CCDC7: variants seen among roughly 807,000 people sequenced by gnomAD.
CCDC7 encodes coiled-coil domain containing 7.
CCDC7 carries 183 observed loss-of-function variants against 196.9 expected under a neutral mutation model. The observed-to-expected ratio is 0.93, with a 90% CI of 0.82 to 1.05. CCDC7 has a LOEUF of 1.05. Ranked by LOEUF, CCDC7 falls within the 50% of genes least tolerant of loss-of-function variation. The pLI is 0.00. For missense variants in CCDC7, 1,540 were observed against 1,482.2 expected, an observed-to-expected ratio of 1.04 and a Z score of -0.64; for synonymous variants, 525 against 484.6, an observed-to-expected ratio of 1.08 and a Z score of -1.10.
chr10:32,683,787 G>T (rs2076137741), intron 21 of CCDC7, among the ~76,000 whole-genome samples: 1 of 152,210 alleles, frequency 6.6e-6, no homozygotes, highest in Non-Finnish European at 1.5e-5. Flanking sequence ...AGCTGCCACA[G>T]ACGGAAGTGA....
intron 9 of CCDC7, among the ~76,000 whole-genome samples, chr10:32,516,295 G>GTT (rs535661093): frequency 2.0e-5 from 3 of 147,522 alleles, no homozygotes; most frequent in African/African-American, 2.5e-5. Flanking sequence ...GATTTTTTTT[G>GTT]TTTTTTTTTT....
At chr10:32,784,522 C>G (rs899029605) in intron 29 of CCDC7, among the ~76,000 whole-genome samples, 4 of 152,192 alleles carry the variant, frequency 2.6e-5, no homozygotes, top group Non-Finnish European at 5.9e-5. Context: ...ATAATGGCTT[C>G]CAGCTTCATC....
At chr10:32,711,672 G>A (rs1330146278) in exon 25 of CCDC7, 1 of 1,597,286 alleles carries the variant, frequency 6.3e-7, no homozygotes, top group Admixed American at 1.8e-5. Context: ...AAGATTCAGT[G>A]TCAAAAATCC....
chr10:32,701,744 G>C (rs997617831), intron 24 of CCDC7, among the ~76,000 whole-genome samples: 4 of 152,080 alleles, frequency 2.6e-5, no homozygotes, highest in African/African-American at 9.7e-5. Context: ...GTTTAGTCTT[G>C]GGAGGGTGTA....
chr10:32,708,785 C>T (rs1399714634), intron 24 of CCDC7, among the ~76,000 whole-genome samples: 1 of 152,178 alleles, frequency 6.6e-6, no homozygotes, highest in East Asian at 1.9e-4. Flanking sequence ...CATCTCACAC[C>T]ACTTAGCATG....
At chr10:32,684,298 T>C (rs2076214454) in intron 21 of CCDC7, among the ~76,000 whole-genome samples, 1 of 152,136 alleles carries the variant, frequency 6.6e-6, no homozygotes, top group Admixed American at 6.5e-5. Flanking sequence ...TCCAAAGCCC[T>C]TGGAGCTCCA....
In CCDC7 at chr10:32,486,398, C is replaced by T. The variant is rs865950901; in HGVS notation, c.797-5524C>T. Among the ~76,000 whole-genome samples the T allele has an allele frequency of 3.2e-4, 48 of 151,462 alleles. No homozygotes were observed. The South Asian group carries it at 6.1e-3, about 19-fold the overall frequency. Reference sequence around the variant, plus strand: ...TTTTGAGCCTGTGTGTGTCTCTGCACGTGAGATGGGTTTCCTGAATACAGC... The same window carrying T: ...TTTTGAGCCTGTGTGTGTCTCTGCATGTGAGATGGGTTTCCTGAATACAGC... On this transcript the variant is annotated intron_variant, in intron 8 of 41. Coordinates refer to ENST00000639629, the Ensembl canonical transcript of CCDC7.
intron 28 of CCDC7, among the ~76,000 whole-genome samples, chr10:32,756,492 C>A (rs1194652794): frequency 4.6e-5 from 7 of 152,152 alleles, no homozygotes; most frequent in Admixed American, 4.6e-4. Flanking sequence ...ATTTCATATC[C>A]AGCCAAACTA....
At chr10:32,646,018 C>A (rs1172047132) in intron 20 of CCDC7, among the ~76,000 whole-genome samples, 1 of 150,498 alleles carries the variant, frequency 6.6e-6, no homozygotes, top group African/African-American at 2.4e-5. Context: ...ATTTTTTAAT[C>A]TCTTTTTTGT....
At chr10:32,702,863 T>G (rs533160255) in intron 24 of CCDC7, among the ~76,000 whole-genome samples, 34 of 152,332 alleles carry the variant, frequency 2.2e-4, no homozygotes, top group African/African-American at 7.2e-4. Context: ...TTTTCCATTT[T>G]CTTGGTAGAT....
intron 32 of CCDC7, among the ~76,000 whole-genome samples, chr10:32,828,506 A>AGAAGAAGAGGAAGAGGAAGAGGAAGAG (rs2091679555): frequency 7.6e-6 from 1 of 132,424 alleles, no homozygotes; most frequent in East Asian, 2.3e-4. Context: ...AAGAAGAAGA[A>AGAAGAAGAGGAAGAGGAAGAGGAAGAG]GAAGAAGAAG....
At chr10:32,508,701 C>T (rs55928173) in intron 9 of CCDC7, among the ~76,000 whole-genome samples, 20,273 of 151,960 alleles carry the variant, frequency 0.13, 1,604 homozygotes, top group African/African-American at 0.22. Context: ...CAGCTCACTG[C>T]AACCTCCTTC....
At chr10:32,814,424 A>G (rs781603135) in exon 31 of CCDC7, 1 of 1,611,932 alleles carries the variant, frequency 6.2e-7, no homozygotes, top group Non-Finnish European at 8.5e-7. Context: ...CTAAAGGATG[A>G]ATTCAAGACA....
intron 28 of CCDC7, among the ~76,000 whole-genome samples, chr10:32,740,460 T>A (rs902282235): frequency 2.0e-5 from 3 of 152,272 alleles, no homozygotes; most frequent in African/African-American, 7.2e-5. Flanking sequence ...AAAAATACAG[T>A]ATTTGTGAGA....
chr10:32,560,275 C>T (rs922934170), intron 13 of CCDC7, among the ~76,000 whole-genome samples: 5 of 152,154 alleles, frequency 3.3e-5, no homozygotes, highest in African/African-American at 1.2e-4. Context: ...AGAACTTCCC[C>T]AATCTAGCAA....
chr10:32,706,304 G>C lies in CCDC7; in HGVS notation c.2459-5316G>C, dbSNP rs147048635. Among the ~76,000 whole-genome samples, 295 of 152,030 alleles carry C rather than the reference G, an allele frequency of 1.9e-3. 3 individuals are homozygous for C. The highest frequency in any genetic ancestry group is 6.8e-3 in the African/African-American group (282 of 41,492). ...AAGACACAACATACTGGAATCTCTG[G>C]GACACATTTAAAGCAGTATGTAGAG... On this transcript the variant is annotated intron_variant, in intron 24 of 41. Coordinates refer to ENST00000639629, the Ensembl canonical transcript of CCDC7.
At chr10:32,853,970 C>T (rs1393924767) in intron 40 of CCDC7, among the ~76,000 whole-genome samples, 1 of 152,110 alleles carries the variant, frequency 6.6e-6, no homozygotes, top group Non-Finnish European at 1.5e-5. Context: ...TGGGATATGA[C>T]TGGTCCCATC....
At chr10:32,818,434 C>T (rs2089335762) in intron 31 of CCDC7, among the ~76,000 whole-genome samples, 2 of 152,094 alleles carry the variant, frequency 1.3e-5, no homozygotes, top group Non-Finnish European at 2.9e-5. Context: ...ATCAACGAGA[C>T]AGAAAGTTAA....
chr10:32,471,349 C>G (rs2133907857), intron 6 of CCDC7, 119 bp downstream of exon 7: 1 of 1,191,434 alleles, frequency 8.4e-7, no homozygotes, highest in African/African-American at 1.6e-5. Flanking sequence ...TTAGTCAAAT[C>G]AGGTCTAGTC....
Sources: allele counts gnomAD v4.1 joint callset (sites outside exome capture counted in the v4.1 genomes callset), GRCh38; gene constraint gnomAD v4.1.1; transcripts MANE v1.5; gene names NCBI Gene and HGNC (gene_info 2026-07-23, HGNC 2026-07-21).